Variants in ZNF609 observed in about 807,000 individuals in gnomAD.
ZNF609 encodes the protein zinc finger protein 609.
In ZNF609, 11 loss-of-function variants were observed where a neutral mutation model predicts 109.5. That is an observed-to-expected ratio of 0.10 (90% CI 0.06 to 0.17). ZNF609 has a LOEUF of 0.17. Ranked by LOEUF, ZNF609 falls within the 10% of genes least tolerant of loss-of-function variation. The probability of loss-of-function intolerance (pLI) is 1.00; values close to 1 mark genes in which losing one functional copy is unlikely to be tolerated. For missense variants in ZNF609, 1,559 were observed against 1,772.4 expected (o/e 0.88, Z 2.16); for synonymous variants, 646 against 662.0 (o/e 0.98, Z 0.37).
chr15:64,587,986 C>T (rs935572781), intron 2 of ZNF609, among the ~76,000 whole-genome samples: 5 of 151,510 alleles, frequency 3.3e-5, no homozygotes, highest in African/African-American at 7.3e-5. Flanking sequence ...GTGATCTGCC[C>T]GCCTCAGCCT....
At chr15:64,659,548 A>G (rs948805716) in intron 3 of ZNF609, among the ~76,000 whole-genome samples, 3 of 152,230 alleles carry the variant, frequency 2.0e-5, no homozygotes, top group African/African-American at 7.2e-5. Context: ...GAGAAAAAGT[A>G]ACTGCTGACA....
intron 2 of ZNF609, among the ~76,000 whole-genome samples, chr15:64,581,826 T>G (rs753839896): frequency 7.9e-5 from 12 of 152,318 alleles, no homozygotes; most frequent in Middle Eastern, 3.4e-3. Flanking sequence ...GGTGTTAATT[T>G]CCAGAATTCT....
At chr15:64,681,662 C>T in intron 9 of ZNF609, 30 bp from the exon 10 acceptor site, 2 of 346,938 alleles carry the variant, frequency 5.8e-6, no homozygotes, top group South Asian at 7.4e-5. Flanking sequence ...AGGCTGAGTG[C>T]CTGGTTATCT....
At chr15:64,467,081 T>C (rs1224173481) in intron 1 of ZNF609, among the ~76,000 whole-genome samples, 1 of 152,242 alleles carries the variant, frequency 6.6e-6, no homozygotes, top group African/African-American at 2.4e-5. Context: ...CTGTTTGTTC[T>C]TGGATCAGAG....
chr15:64,462,460 C>T (rs1892957824), intron 1 of ZNF609, among the ~76,000 whole-genome samples: 1 of 152,134 alleles, frequency 6.6e-6, no homozygotes, highest in African/African-American at 2.4e-5. Context: ...CACTAAAAAC[C>T]TGTGCAGTGT....
chr15:64,671,051 T>C (rs1436130398), intron 4 of ZNF609, among the ~76,000 whole-genome samples: 1 of 149,764 alleles, frequency 6.7e-6, no homozygotes, highest in Non-Finnish European at 1.5e-5. Context: ...CTACTAAAAA[T>C]ACAAAAAAAT....
chr15:64,556,347 G>C (rs1365482793), intron 2 of ZNF609, among the ~76,000 whole-genome samples: 1 of 151,802 alleles, frequency 6.6e-6, no homozygotes, highest in Non-Finnish European at 1.5e-5. Context: ...TGCCCAGGCT[G>C]GTCTCGAACA....
chr15:64,678,953 T>C (rs1306788883), intron 6 of ZNF609, among the ~76,000 whole-genome samples: 2 of 152,210 alleles, frequency 1.3e-5, no homozygotes, highest in African/African-American at 4.8e-5. Flanking sequence ...AATGCATGGA[T>C]TCAGTTGCCA....
intron 3 of ZNF609, among the ~76,000 whole-genome samples, chr15:64,664,228 A>G (rs1711645004): frequency 6.6e-6 from 1 of 152,108 alleles, no homozygotes; most frequent in South Asian, 2.1e-4. Context: ...TCTCTGTCTC[A>G]AAAATAATAA....
chr15:64,577,272 C>CAT (rs1216367341), intron 2 of ZNF609, among the ~76,000 whole-genome samples: 1 of 57,620 alleles, frequency 1.7e-5, no homozygotes, highest in African/African-American at 4.6e-5. Context: ...CAAATATATA[C>CAT]ATATATGTAT....
chr15:64,605,771 T>C (rs1347806296), intron 2 of ZNF609, among the ~76,000 whole-genome samples: 1 of 149,246 alleles, frequency 6.7e-6, no homozygotes, highest in Admixed American at 6.7e-5. Flanking sequence ...TCTCGCTCTG[T>C]CGCCCAGGCT....
rs144759849 is a variant in ZNF609 at position 64,667,506 on chromosome 15, C to T, written c.974-2840C>T. On this transcript the variant is annotated intron_variant, in intron 3 of 9. Transcript: ENST00000326648. Reference sequence around the variant, plus strand: ...GGCAGATCACCTGAGGTCGGGAGTTCGAGACCGGCCTGACCAACATGGTGA... The same window carrying T: ...GGCAGATCACCTGAGGTCGGGAGTTTGAGACCGGCCTGACCAACATGGTGA... Among the ~76,000 whole-genome samples, 560 of 152,012 alleles carry T rather than the reference C, an allele frequency of 3.7e-3. 3 individuals carry two copies. Among genetic ancestry groups the T allele is most frequent in the African/African-American group, 0.013 (541 of 41,468 alleles).
chr15:64,612,245 T>A (rs1366437901), intron 2 of ZNF609, among the ~76,000 whole-genome samples: 5 of 151,434 alleles, frequency 3.3e-5, no homozygotes, highest in Non-Finnish European at 7.4e-5. Context: ...CCTCCCAGGT[T>A]CACGCCATTC....
At chr15:64,549,282 C>A (rs577446997) in intron 2 of ZNF609, among the ~76,000 whole-genome samples, 5 of 152,188 alleles carry the variant, frequency 3.3e-5, no homozygotes, top group African/African-American at 1.2e-4. Context: ...CCTCCGCCTC[C>A]CGGGTTCAAG....
intron 3 of ZNF609, among the ~76,000 whole-genome samples, chr15:64,636,760 T>G (rs979872519): frequency 2.6e-5 from 4 of 152,186 alleles, no homozygotes; most frequent in Admixed American, 2.6e-4. Context: ...TCTTCTGCCC[T>G]AGAGATTGGG....
Position 64,623,062 on chromosome 15 carries a change from A to T in ZNF609, c.973+10A>T. Reference sequence around the variant, plus strand: ...CAGGAAACAGAAGATGGTAAGTGTGATATGTGGCTTTCCCCTCCCTTCTCA... The same window carrying T: ...CAGGAAACAGAAGATGGTAAGTGTGTTATGTGGCTTTCCCCTCCCTTCTCA... On this transcript the variant is annotated intron_variant, in intron 3 of 9. Coordinates refer to ENST00000326648, the MANE Select transcript of ZNF609 (RefSeq NM_015042.2). 6.2e-7 allele frequency: 1 copy of T among 1,612,120 alleles called. No homozygotes were observed. The highest frequency in any genetic ancestry group is 8.5e-7 in the Non-Finnish European group (1 of 1,178,214).
intron 2 of ZNF609, among the ~76,000 whole-genome samples, chr15:64,621,353 C>CTT (rs111586542): frequency 2.1e-5 from 3 of 143,350 alleles, no homozygotes; most frequent in African/African-American, 7.6e-5. Flanking sequence ...TCATTTCATT[C>CTT]TTTTTTTTTT....
At position 64,499,856 on chromosome 15, in the gene ZNF609, CG is replaced by C; in HGVS notation, c.439del (p.Ala147LeufsTer7). The C allele has an allele frequency of 6.2e-7, 1 of 1,613,942 alleles. No individual in the cohort carries two copies. Among genetic ancestry groups the C allele is most frequent in the Admixed American group, 1.7e-5 (1 of 59,976 alleles). ...AAIAPKGSEK[A>X]AKASRSVAGS... ...ATTGCTCCCAAGGGCTCAGAGAAGGCGGCTAAGGCATCCCGCAGTGTAGCCG... is the reference window on the plus strand; with the variant it reads ...ATTGCTCCCAAGGGCTCAGAGAAGGCGCTAAGGCATCCCGCAGTGTAGCCG... On this transcript the variant is annotated frameshift_variant, in exon 2 of 10. Transcript: ENST00000326648. LOFTEE classifies it high-confidence loss of function.
At chr15:64,566,484 C>G (rs1841264025) in intron 2 of ZNF609, among the ~76,000 whole-genome samples, 1 of 152,128 alleles carries the variant, frequency 6.6e-6, no homozygotes, top group Non-Finnish European at 1.5e-5. Context: ...GTAGGTACTT[C>G]AAAATATGTG....
Sources: gnomAD v4.1 joint callset for allele counts (sites outside exome capture counted in the v4.1 genomes callset) on GRCh38, gnomAD v4.1.1 for gene constraint, MANE v1.5 for transcripts, NCBI Gene and HGNC (gene_info 2026-07-23, HGNC 2026-07-21) for gene names.